NECTIN1: variants seen among roughly 807,000 people sequenced by gnomAD.
NECTIN1 encodes the protein nectin-1.
NECTIN1 carries 23 observed loss-of-function variants against 48.0 expected under a neutral mutation model. That is an observed-to-expected ratio of 0.48 (90% confidence interval 0.34 to 0.68). NECTIN1 has a LOEUF of 0.68. Among genes scored for constraint, NECTIN1 ranks in the 30% least tolerant of loss-of-function variants. The probability of loss-of-function intolerance (pLI) is 0.01; values close to 1 mark genes in which losing one functional copy is unlikely to be tolerated. For synonymous variants in NECTIN1, 270 were observed against 288.9 expected (o/e 0.93, Z 0.66); for missense variants, 591 against 709.9 (o/e 0.83, Z 1.90).
intron 1 of NECTIN1, among the ~76,000 whole-genome samples, chr11:119,696,428 G>GCC (rs33985102): frequency 6.6e-6 from 1 of 152,038 alleles, no homozygotes; most frequent in African/African-American, 2.4e-5. Context: ...AACCCCGCCC[G>GCC]CCCCCTGGGG....
At chr11:119,675,073 T>C in intron 5 of NECTIN1, 86 bp downstream of exon 5, 2 of 1,460,934 alleles carry the variant, frequency 1.4e-6, no homozygotes, top group Non-Finnish European at 1.9e-6. Context: ...ATAATCTTCC[T>C]GCAGTGGCAT....
At chr11:119,713,555 G>A (rs1480155032) in intron 1 of NECTIN1, 1 of 146,640 alleles carries the variant, frequency 6.8e-6, no homozygotes, top group Non-Finnish European at 1.4e-5. Flanking sequence ...CCCAGACTGT[G>A]ACTGTCTCTG....
chr11:119,707,671 T>C (rs192745534), intron 1 of NECTIN1, among the ~76,000 whole-genome samples: 6 of 152,354 alleles, frequency 3.9e-5, no homozygotes, highest in African/African-American at 1.2e-4. Flanking sequence ...TAATGTACTG[T>C]CTCTGGTTCT....
At chr11:119,652,186 C>T (rs914274388) in intron 5 of NECTIN1, among the ~76,000 whole-genome samples, 13 of 152,192 alleles carry the variant, frequency 8.5e-5, no homozygotes, top group Admixed American at 2.6e-4. Flanking sequence ...TCCATTGCTT[C>T]GGGTCAATTG....
rs150450035 is a variant in NECTIN1 at position 119,673,759 on chromosome 11, G to C, written c.1003+1400C>G. Among the ~76,000 whole-genome samples the C allele has an allele frequency of 1.3e-3, 199 of 152,268 alleles. 1 individual carries two copies. Among genetic ancestry groups the C allele is most frequent in the Middle Eastern group, 6.8e-3 (2 of 294 alleles). On this transcript the variant is annotated intron_variant, in intron 5 of 5. Transcript: ENST00000264025. This position sits in a 1 kb window ranked among gnomAD's most constrained non-coding sequence, Gnocchi z 5.8. ...TGACTCCCCCAGTATCTCAGAGCTG[G>C]AGCTTGGGTAACCATGAGGCTCATT...
rs1565376477 is a variant in NECTIN1, at chr11:119,648,292, G to GTGA, written c.1004-8281_1004-8280insTCA. Among the ~76,000 whole-genome samples the GTGA allele has an allele frequency of 8.3e-4, 16 of 19,260 alleles. 1 individual carries two copies. The highest frequency in any genetic ancestry group is 4.5e-3 in the South Asian group (3 of 672). 12.6% of individuals were successfully genotyped at this position (19,260 alleles called of 152,430 possible). A position where few individuals can be genotyped will look rare whatever the true frequency, so the allele number is the denominator to read the frequency against. ...GGTGGTGGTGATGGTGGTGGTGATGGTGGTGGTGGTGGTGATGGTGGTGAT... is the reference window on the plus strand; with the variant it reads ...GGTGGTGGTGATGGTGGTGGTGATGGTGATGGTGGTGGTGGTGATGGTGGTGAT... On this transcript the variant is annotated intron_variant, in intron 5 of 7. Coordinates refer to the NECTIN1 transcript ENST00000341398.
intron 1 of NECTIN1, among the ~76,000 whole-genome samples, chr11:119,702,171 G>A (rs1186596965): frequency 2.0e-5 from 3 of 152,180 alleles, no homozygotes; most frequent in Non-Finnish European, 2.9e-5. Flanking sequence ...CTCATCTCTA[G>A]ACACTGGAGG....
At chr11:119,645,252 C>T (rs1156742298) in intron 5 of NECTIN1, among the ~76,000 whole-genome samples, 1 of 152,184 alleles carries the variant, frequency 6.6e-6, no homozygotes, top group Non-Finnish European at 1.5e-5. Flanking sequence ...CTCCAGCCCA[C>T]GTGTGCTGGA....
At chr11:119,690,652 C>T (rs7933848) in intron 1 of NECTIN1, among the ~76,000 whole-genome samples, 64,143 of 152,008 alleles carry the variant, frequency 0.42, 13,870 homozygotes, top group East Asian at 0.54. Flanking sequence ...AGAGGCAAAA[C>T]CCCGGCCCTG....
chr11:119,661,810 G>A lies in NECTIN1; in HGVS notation c.*2937C>T, dbSNP rs1364245378. On this transcript the variant is annotated 3_prime_UTR_variant, in exon 6 of 6. Coordinates refer to ENST00000264025, the MANE Select transcript of NECTIN1 (RefSeq NM_002855.5). ...ATTCCCTCTGCCACATCTGTGCTGAGTGGCCATCTGGCTGTGCATGCATGC... is the reference window on the plus strand; with the variant it reads ...ATTCCCTCTGCCACATCTGTGCTGAATGGCCATCTGGCTGTGCATGCATGC... The A allele has an allele frequency of 1.0e-6, 1 of 985,312 alleles. No homozygotes were observed. Among genetic ancestry groups the A allele is most frequent in the African/African-American group, 1.7e-5 (1 of 57,178 alleles). 61.0% of individuals were successfully genotyped at this position (985,312 alleles called of 1,614,324 possible).
chr11:119,716,781 G>A (rs1246141628), intron 1 of NECTIN1, among the ~76,000 whole-genome samples: 1 of 152,242 alleles, frequency 6.6e-6, no homozygotes, highest in South Asian at 2.1e-4. Flanking sequence ...CAGGAGGGGG[G>A]TGAGGGCCCC....
At chr11:119,713,886 T>C (rs927036641) in intron 1 of NECTIN1, 1 of 455,816 alleles carries the variant, frequency 2.2e-6, no homozygotes, top group Non-Finnish European at 4.4e-6. Flanking sequence ...CAGTGAGATG[T>C]CTGATGCCAG....
rs765552807 is a variant in NECTIN1 at position 119,675,241 on chromosome 11, G to C, written c.921C>G (p.Asn307Lys). The C allele has an allele frequency of 4.3e-6, 7 of 1,614,056 alleles. No homozygotes were observed. The highest frequency in any genetic ancestry group is 5.9e-6 in the Non-Finnish European group (7 of 1,180,048). The change falls in exon 5 of 6, where the codon AAC (asparagine) becomes AAG (lysine). Residue 307 changes from asparagine to lysine, a missense_variant. Transcript: ENST00000264025. ...AGATGTAGGTCCCTGCCAGGCTGTA[G>C]TTGATGGGTCCCTTGAAGAAGAGGG... ...NRTLFFKGPI[N>K]YSLAGTYICE...
Position 119,663,575 on chromosome 11 carries a change from G to A in NECTIN1, c.*1172C>T. ...TGGACTCCTCAGTCCCTCGGACTGT[G>A]TTTGCAGAGCTTCTGCCATGTGGGC... On this transcript the variant is annotated 3_prime_UTR_variant, in exon 6 of 6. Transcript: ENST00000264025. The A allele has an allele frequency of 1.0e-6, 1 of 985,592 alleles. No individual in the cohort carries two copies. Among genetic ancestry groups the A allele is most frequent in the Non-Finnish European group, 1.2e-6 (1 of 829,958 alleles). 61.1% of individuals were successfully genotyped at this position (985,592 alleles called of 1,614,324 possible). A position where few individuals can be genotyped will look rare whatever the true frequency, so the allele number is the denominator to read the frequency against.
At chr11:119,719,711 G>A (rs1309910621) in intron 1 of NECTIN1, among the ~76,000 whole-genome samples, 1 of 152,210 alleles carries the variant, frequency 6.6e-6, no homozygotes, top group Non-Finnish European at 1.5e-5. Flanking sequence ...CCTATGCCAG[G>A]CCCTGGAGAA....
At chr11:119,700,246 C>T (rs1200930017) in intron 1 of NECTIN1, among the ~76,000 whole-genome samples, 1 of 152,144 alleles carries the variant, frequency 6.6e-6, no homozygotes, top group African/African-American at 2.4e-5. Flanking sequence ...TTGGCATACA[C>T]CCCACCTCCC....
chr11:119,667,268 G>A (rs1864788396), intron 5 of NECTIN1, among the ~76,000 whole-genome samples: 1 of 152,100 alleles, frequency 6.6e-6, no homozygotes, highest in Non-Finnish European at 1.5e-5. Flanking sequence ...AGCCTCCTCT[G>A]TACTCAGCCT....
At position 119,665,341 on chromosome 11, in the gene NECTIN1, T is replaced by G; in HGVS notation, c.1004-44A>C. 2 of 1,449,552 alleles carry G rather than the reference T, an allele frequency of 1.4e-6. No homozygotes were observed. The highest frequency in any genetic ancestry group is 1.3e-5 in the South Asian group (1 of 79,784). 89.8% of individuals were successfully genotyped at this position (1,449,552 alleles called of 1,614,324 possible). A position where few individuals can be genotyped will look rare whatever the true frequency, so the allele number is the denominator to read the frequency against. ...TGGAGGGGACAGCATCAGCGTGTGC[T>G]CCTGGGGTGTAGAGGGGGTGGGAGG... On this transcript the variant is annotated intron_variant, in intron 5 of 5. Coordinates refer to ENST00000264025, the MANE Select transcript of NECTIN1 (RefSeq NM_002855.5). The surrounding 1 kb of genome is among the most constrained non-coding windows in gnomAD (Gnocchi z 5.1).
chr11:119,674,363 A>G (rs572667858), intron 5 of NECTIN1: 21 of 1,445,308 alleles, frequency 1.5e-5, no homozygotes, highest in Admixed American at 2.6e-5. Flanking sequence ...TTCCATTAAT[A>G]ATAATGATGA....
Sources: gnomAD v4.1 joint callset for allele counts (sites outside exome capture counted in the v4.1 genomes callset) on GRCh38, gnomAD v4.1.1 for gene constraint, Gnocchi (gnomAD v3.1) non-coding constraint, MANE v1.5 for transcripts, NCBI Gene and HGNC (gene_info 2026-07-23, HGNC 2026-07-21) for gene names.